The following PRKCE variants were observed in gnomAD, a reference collection of about 807,000 sequenced individuals.
PRKCE encodes protein kinase C epsilon type.
In PRKCE, 16 loss-of-function variants were observed where a neutral mutation model predicts 85.4. The observed-to-expected ratio is 0.19, with a 90% confidence interval of 0.13 to 0.28. The LOEUF (loss-of-function observed/expected upper bound fraction) is 0.28. PRKCE is among the 10% of genes least tolerant of loss of function. The pLI is 1.00. For synonymous variants in PRKCE, 388 were observed against 371.5 expected (o/e 1.04, Z -0.51); for missense variants, 573 against 975.2 (o/e 0.59, Z 5.49).
intron 2 of PRKCE, among the ~76,000 whole-genome samples, chr2:45,934,396 C>G (rs1410895207): frequency 6.6e-6 from 1 of 152,182 alleles, no homozygotes; most frequent in Non-Finnish European, 1.5e-5. Context: ...TGCCTGTAAT[C>G]CCAGCACTTT....
chr2:45,969,614 G>A (rs919436759), intron 2 of PRKCE, among the ~76,000 whole-genome samples: 3 of 152,182 alleles, frequency 2.0e-5, no homozygotes, highest in Admixed American at 2.0e-4. Context: ...GCAAGCTGCA[G>A]TTCCCTCACC....
intron 1 of PRKCE, among the ~76,000 whole-genome samples, chr2:45,795,179 T>G (rs1004937943): frequency 4.6e-5 from 7 of 152,182 alleles, no homozygotes; most frequent in Non-Finnish European, 1.0e-4. Flanking sequence ...TGGTCTTCCT[T>G]GGCATGGGCG....
intron 11 of PRKCE, among the ~76,000 whole-genome samples, chr2:46,101,129 G>A (rs1355295928): frequency 2.0e-5 from 3 of 152,054 alleles, no homozygotes; most frequent in Admixed American, 6.5e-5. Flanking sequence ...TTGGCCTCCC[G>A]AAGTCTGGGA....
chr2:46,010,677 T>C (rs745481718), intron 10 of PRKCE, 160 bp downstream of exon 10: 1 of 1,598,634 alleles, frequency 6.3e-7, no homozygotes, highest in African/African-American at 1.3e-5. Context: ...AGCATCTTCT[T>C]TTTTAGGGCA....
At chr2:45,739,981 A>T (rs1682415065) in intron 1 of PRKCE, among the ~76,000 whole-genome samples, 1 of 152,158 alleles carries the variant, frequency 6.6e-6, no homozygotes, top group Admixed American at 6.5e-5. Context: ...ATAATCTAAT[A>T]TCAAGAACAA....
At chr2:45,888,465 CTT>C (rs34871432) in intron 2 of PRKCE, among the ~76,000 whole-genome samples, 3,891 of 74,314 alleles carry the variant, frequency 0.052, 19 homozygotes, top group Middle Eastern at 0.16. Flanking sequence ...TCCCAACAGT[CTT>C]TTTTTTTTTT....
intron 11 of PRKCE, among the ~76,000 whole-genome samples, chr2:46,118,547 T>G (rs903191834): frequency 1.3e-5 from 2 of 152,186 alleles, no homozygotes; most frequent in African/African-American, 4.8e-5. Flanking sequence ...ATGGAAAGCC[T>G]TGGACTAACA....
intron 1 of PRKCE, among the ~76,000 whole-genome samples, chr2:45,703,623 A>G (rs1001550543): frequency 3.3e-5 from 5 of 152,042 alleles, no homozygotes; most frequent in African/African-American, 1.2e-4. Context: ...GTCTCCAGAG[A>G]ACCTTGCACT....
chr2:46,015,907 G>A (rs1706103750), intron 10 of PRKCE, among the ~76,000 whole-genome samples: 1 of 152,152 alleles, frequency 6.6e-6, no homozygotes, highest in East Asian at 1.9e-4. Context: ...TTTTCGAGAA[G>A]AGATTGAGAT....
chr2:45,932,468 T>C (rs1699116273), intron 2 of PRKCE, among the ~76,000 whole-genome samples: 1 of 152,194 alleles, frequency 6.6e-6, no homozygotes, highest in Non-Finnish European at 1.5e-5. Flanking sequence ...CTGCTCAGCC[T>C]CAGTAGATAC....
At chr2:46,096,297 A>G (rs772794310) in intron 11 of PRKCE, among the ~76,000 whole-genome samples, 29 of 152,218 alleles carry the variant, frequency 1.9e-4, no homozygotes, top group Admixed American at 3.9e-4. Flanking sequence ...AGAAGTGCTG[A>G]GTGCAATCTT....
chr2:46,028,318 T>A (rs1707275795), intron 10 of PRKCE, among the ~76,000 whole-genome samples: 1 of 152,364 alleles, frequency 6.6e-6, no homozygotes, highest in South Asian at 2.1e-4. Flanking sequence ...GGGGGTAAAC[T>A]TTCTTCACTG....
Position 45,839,176 on chromosome 2 carries a change from T to C in PRKCE, c.349-3824T>C, listed in dbSNP as rs538536385. The stretch of plus-strand genomic sequence containing the variant: ...AAGGTAAGGTGCCAAGTGCTTTGCA[T>C]GTATGTTTCATGGAATTTTCATGAC... On this transcript the variant is annotated intron_variant, in intron 1 of 14. Transcript: ENST00000306156. 2.0e-5 allele frequency among the ~76,000 whole-genome samples: 3 copies of C among 152,138 alleles called. No homozygotes were observed. The East Asian group carries it at 5.8e-4, about 29-fold the overall frequency.
chr2:45,984,299 C>A (rs1016205029), intron 5 of PRKCE, among the ~76,000 whole-genome samples: 2 of 152,098 alleles, frequency 1.3e-5, no homozygotes, highest in Admixed American at 1.3e-4. Flanking sequence ...CTGGAGAGGA[C>A]CATGTTGGGG....
intron 14 of PRKCE, among the ~76,000 whole-genome samples, chr2:46,162,389 G>A (rs1262797816): frequency 1.3e-5 from 2 of 152,020 alleles, no homozygotes; most frequent in South Asian, 2.1e-4. Context: ...AAAGGATGGG[G>A]CTGTCCAGGA....
chr2:46,171,792 C>G (rs910028604), intron 14 of PRKCE, among the ~76,000 whole-genome samples: 4 of 152,168 alleles, frequency 2.6e-5, no homozygotes, highest in Non-Finnish European at 5.9e-5. Flanking sequence ...TAAGGCTGTC[C>G]CAGGCACTGA....
At chr2:45,795,152 C>T (rs1281196521) in intron 1 of PRKCE, among the ~76,000 whole-genome samples, 1 of 152,158 alleles carries the variant, frequency 6.6e-6, no homozygotes, top group Non-Finnish European at 1.5e-5. Context: ...CAGCCAGGGC[C>T]CCAGCCTCAC....
At chr2:46,102,265 A>G (rs1671313320) in intron 11 of PRKCE, among the ~76,000 whole-genome samples, 1 of 152,210 alleles carries the variant, frequency 6.6e-6, no homozygotes, top group Non-Finnish European at 1.5e-5. Flanking sequence ...AAAGCATTCC[A>G]GTGTGTTAAC....
intron 1 of PRKCE, among the ~76,000 whole-genome samples, chr2:45,780,193 G>T (rs1467572808): frequency 1.3e-5 from 2 of 152,234 alleles, no homozygotes; most frequent in African/African-American, 4.8e-5. Context: ...TTGAACAGCT[G>T]ATGTGCTTGA....
Sources: gnomAD v4.1 joint callset for allele counts (sites outside exome capture counted in the v4.1 genomes callset) on GRCh38, gnomAD v4.1.1 for gene constraint, MANE v1.5 for transcripts, NCBI Gene and HGNC (gene_info 2026-07-23, HGNC 2026-07-21) for gene names.